MID2: variants seen among roughly 807,000 people sequenced by gnomAD.
The protein encoded by MID2 is midline 2, also known as probable E3 ubiquitin-protein ligase MID2.
Under a neutral mutation model 46.1 loss-of-function variants are expected in MID2, and 13 were observed. The ratio of observed to expected loss-of-function variants is 0.28; its 90% CI spans 0.18 to 0.45. The LOEUF is 0.45. Among genes scored for constraint, MID2 ranks in the 20% least tolerant of loss-of-function variants. The pLI, the probability that MID2 is intolerant of heterozygous loss-of-function variation, is 1.00. For missense variants in MID2, 431 were observed against 575.4 expected, an observed-to-expected ratio of 0.75 and a Z score of 2.57; for synonymous variants, 199 against 212.3, an observed-to-expected ratio of 0.94 and a Z score of 0.55.
intron 3 of MID2, among the ~76,000 whole-genome samples, chrX:107,894,250 G>T (rs1375690357): frequency 9.0e-6 from 1 of 110,962 alleles, no homozygotes; most frequent in African/African-American, 3.3e-5. Flanking sequence ...TACCGAGAAA[G>T]GATATTTGGA....
intron 3 of MID2, among the ~76,000 whole-genome samples, chrX:107,891,541 A>G (rs918738952): frequency 1.8e-5 from 2 of 111,764 alleles, no homozygotes; most frequent in African/African-American, 6.5e-5. Context: ...AGCCTCCCAA[A>G]GTGCTGGGAT....
chrX:107,841,775 A>G (rs188786990), intron 2 of MID2, among the ~76,000 whole-genome samples: 1 of 112,509 alleles, frequency 8.9e-6, no homozygotes, highest in East Asian at 2.8e-4. Flanking sequence ...GTCGATTTGC[A>G]TATGTAGGTA....
At chrX:107,896,482 C>T (rs938910062) in intron 3 of MID2, 5 of 112,854 alleles carry the variant, frequency 4.4e-5, no homozygotes, top group African/African-American at 1.6e-4. Context: ...ACTCCAAAAT[C>T]AACACAGAAT....
intron 5 of MID2, among the ~76,000 whole-genome samples, chrX:107,913,077 C>T (rs1444240060): frequency 9.0e-6 from 1 of 111,486 alleles, no homozygotes; most frequent in Non-Finnish European, 1.9e-5. Flanking sequence ...CACACACACA[C>T]CCCACCATGT....
Position 107,917,742 on chromosome X carries a change from A to G in MID2, c.1435+3A>G. 1 of 1,201,001 alleles carries G rather than the reference A, an allele frequency of 8.3e-7. No homozygotes were observed. The highest frequency in any genetic ancestry group is 1.7e-5 in the African/African-American group (1 of 57,702). ...AAGATTGGCCGGGGCGCCACGAGGC[A>G]AGTGTTTGTAAGACATGTTAGGTTG... On this transcript the variant is annotated splice_donor_region_variant and intron_variant, in intron 7 of 9. Transcript: ENST00000262843.
At chrX:107,922,901 G>A (rs767709841) in intron 7 of MID2, among the ~76,000 whole-genome samples, 3 of 111,134 alleles carry the variant, frequency 2.7e-5, no homozygotes, top group African/African-American at 9.8e-5. Context: ...TTTCCTCTTT[G>A]TATTAAAATC....
At chrX:107,920,882 T>C (rs1933058627) in intron 7 of MID2, among the ~76,000 whole-genome samples, 1 of 112,060 alleles carries the variant, frequency 8.9e-6, no homozygotes, top group African/African-American at 3.2e-5. Context: ...TAGAGCAAAT[T>C]GCATACATCA....
intron 2 of MID2, 94 bp from the exon 3 acceptor site, chrX:107,854,515 A>C: frequency 1.6e-6 from 1 of 615,498 alleles, no homozygotes; most frequent in Non-Finnish European, 2.7e-6. Flanking sequence ...TCTACTGACT[A>C]ACCGATTTTC....
At chrX:107,878,939 T>C (rs767908097) in intron 3 of MID2, among the ~76,000 whole-genome samples, 2 of 111,961 alleles carry the variant, frequency 1.8e-5, no homozygotes, top group Admixed American at 9.4e-5. Context: ...GTGCTAGAAC[T>C]AGCTGGCTGC....
chrX:107,849,204 TG>T (rs1931555119), intron 2 of MID2, among the ~76,000 whole-genome samples: 1 of 112,002 alleles, frequency 8.9e-6, no homozygotes, highest in African/African-American at 3.2e-5. Flanking sequence ...CATGTTTCAG[TG>T]GAAATGATAT....
At chrX:107,908,006 C>A (rs1017476250) in intron 5 of MID2, among the ~76,000 whole-genome samples, 6 of 111,713 alleles carry the variant, frequency 5.4e-5, no homozygotes, top group African/African-American at 2.0e-4. Context: ...AATGAGAGAA[C>A]GATGTTCAGA....
chrX:107,929,012 G>A lies in MID2; in HGVS notation c.*1939G>A, dbSNP rs1024436450. Among the ~76,000 whole-genome samples, 12 of 111,695 alleles carry A rather than the reference G, an allele frequency of 1.1e-4. No homozygotes were observed. The highest frequency in any genetic ancestry group is 3.9e-4 in the African/African-American group (12 of 30,840). On this transcript the variant is annotated 3_prime_UTR_variant, in exon 10 of 10. Coordinates refer to ENST00000262843, the MANE Select transcript of MID2 (RefSeq NM_012216.4). ...AGTTTCTGTACCATTTATTAGCGTT[G>A]TGACCTAGGACAAGTACCTCACTTC...
Position 107,826,438 on chromosome X carries a change from G to T in MID2, c.4+8G>T. The T allele has an allele frequency of 4.4e-6, 5 of 1,135,082 alleles. No homozygotes were observed. Among genetic ancestry groups the T allele is most frequent in the Non-Finnish European group, 5.8e-6 (5 of 858,092 alleles). 93.5% of individuals were successfully genotyped at this position (1,135,082 alleles called of 1,213,427 possible). A position where few individuals can be genotyped will look rare whatever the true frequency, so the allele number is the denominator to read the frequency against. On this transcript the variant is annotated splice_region_variant and intron_variant, in intron 1 of 9. Coordinates refer to ENST00000262843, the MANE Select transcript of MID2 (RefSeq NM_012216.4). The stretch of plus-strand genomic sequence containing the variant: ...CACCTGGGAACGCTATGGGTAAAAC[G>T]CGCCCCCTCGCCGCGGCCCTGGAGG...
At chrX:107,895,399 G>GA (rs1177751289) in intron 3 of MID2, 1 of 111,451 alleles carries the variant, frequency 9.0e-6, no homozygotes. Context: ...CTCATTTCTA[G>GA]AATGTTATGT....
chrX:107,901,866 C>T (rs1932797094), intron 3 of MID2, among the ~76,000 whole-genome samples: 1 of 111,455 alleles, frequency 9.0e-6, no homozygotes, highest in Admixed American at 9.5e-5. Flanking sequence ...GGCAAAGGCA[C>T]AGGACATGAA....
At chrX:107,907,397 A>G (rs943099087) in intron 5 of MID2, among the ~76,000 whole-genome samples, 7 of 112,474 alleles carry the variant, frequency 6.2e-5, no homozygotes, top group Non-Finnish European at 5.6e-5. Context: ...TACAAAGAAC[A>G]GTAAGTGTGA....
intron 6 of MID2, 126 bp from the exon 7 acceptor site, chrX:107,917,380 A>G (rs1265382464): frequency 8.5e-6 from 5 of 588,141 alleles, no homozygotes; most frequent in Non-Finnish European, 1.1e-5. Flanking sequence ...GGTTCATGCA[A>G]TCTAAAGATT....
chrX:107,835,379 G>A (rs770037715), intron 1 of MID2, among the ~76,000 whole-genome samples: 3 of 111,963 alleles, frequency 2.7e-5, no homozygotes, highest in Non-Finnish European at 5.6e-5. Context: ...CCTAGGAGTG[G>A]AATTATATGG....
chrX:107,859,852 C>A (rs1931819815), intron 3 of MID2, among the ~76,000 whole-genome samples: 1 of 111,826 alleles, frequency 8.9e-6, no homozygotes, highest in South Asian at 3.8e-4. Context: ...TTTGGCTTGG[C>A]CAGAATGTAA....
Sources: allele counts gnomAD v4.1 joint callset (sites outside exome capture counted in the v4.1 genomes callset), GRCh38; gene constraint gnomAD v4.1.1; transcripts MANE v1.5; gene names NCBI Gene and HGNC (gene_info 2026-07-23, HGNC 2026-07-21).